Variants in PHF24 observed in about 807,000 individuals in gnomAD.
PHF24 encodes PHD finger protein 24, also known as Galpha inhibitory interacting protein.
In PHF24, 25 loss-of-function variants were observed where a neutral mutation model predicts 42.6. That is an observed-to-expected ratio of 0.59 (90% CI 0.43 to 0.82). PHF24 has a LOEUF of 0.82. Among genes scored for constraint, PHF24 ranks in the 40% least tolerant of loss-of-function variants. The pLI, the probability that PHF24 is intolerant of heterozygous loss-of-function variation, is 0.00. For synonymous variants in PHF24, 185 were observed against 204.8 expected, an observed-to-expected ratio of 0.90 and a Z score of 0.83; for missense variants, 470 against 538.1, an observed-to-expected ratio of 0.87 and a Z score of 1.25.
At chr9:34,917,625 C>T in the PHF24 span, 1 of 776,150 alleles carries the variant, frequency 1.3e-6, no homozygotes, top group South Asian at 1.3e-5. Flanking sequence ...TTTGGTTGGC[C>T]TTCCAGTGGC....
the PHF24 span, among the ~76,000 whole-genome samples, chr9:34,875,948 ACACTCTCTCTCTCT>A: frequency 0.011 from 866 of 79,904 alleles, 12 homozygotes; most frequent in Middle Eastern, 0.066. Flanking sequence ...ACACACACAC[ACACTCTCTCTCTCT>A]CTCTCTCTCT....
At chr9:34,819,104 T>C in the PHF24 span, among the ~76,000 whole-genome samples, 1 of 152,286 alleles carries the variant, frequency 6.6e-6, no homozygotes, top group African/African-American at 2.4e-5. Flanking sequence ...TAATATTCCT[T>C]TTCTCATTGT....
At chr9:34,904,461 T>C in the PHF24 span, among the ~76,000 whole-genome samples, 6 of 152,174 alleles carry the variant, frequency 3.9e-5, no homozygotes, top group African/African-American at 1.2e-4. Flanking sequence ...CGAATGCTTT[T>C]TCTGCATCTA....
the PHF24 span, among the ~76,000 whole-genome samples, chr9:34,909,799 T>G: frequency 6.6e-6 from 1 of 152,226 alleles, no homozygotes; most frequent in South Asian, 2.1e-4. Context: ...TTTTTTCTGT[T>G]TTTTGGTAGA....
chr9:34,834,860 G>C, the PHF24 span: 2 of 1,510,788 alleles, frequency 1.3e-6, no homozygotes, highest in Admixed American at 4.0e-5. Context: ...TGAAGTTTTA[G>C]GGAGCAGTTG....
chr9:34,673,040 A>G, the PHF24 span, among the ~76,000 whole-genome samples: 4 of 152,254 alleles, frequency 2.6e-5, no homozygotes, highest in Admixed American at 6.5e-5. Flanking sequence ...CAACCTGTCT[A>G]TGACAGGAAT....
chr9:34,886,477 C>T, the PHF24 span, among the ~76,000 whole-genome samples: 1 of 145,354 alleles, frequency 6.9e-6, no homozygotes, highest in East Asian at 2.0e-4. Context: ...ACTACAAGTC[C>T]GCATCTTAAT....
the PHF24 span, chr9:34,726,593 C>T: frequency 6.4e-7 from 1 of 1,551,794 alleles, no homozygotes; most frequent in East Asian, 2.4e-5. Flanking sequence ...GGTGTTTGGG[C>T]CCCGGAGCAC....
chr9:34,875,671 C>T, the PHF24 span, among the ~76,000 whole-genome samples: 1 of 151,956 alleles, frequency 6.6e-6, no homozygotes, highest in African/African-American at 2.4e-5. Flanking sequence ...AGCACTGGAG[C>T]CTTGACAATT....
the PHF24 span, among the ~76,000 whole-genome samples, chr9:34,947,240 G>A: frequency 1.3e-5 from 2 of 152,216 alleles, no homozygotes; most frequent in African/African-American, 2.4e-5. Context: ...GCTATGTGCT[G>A]CATAAATGAT....
chr9:34,754,989 G>A, the PHF24 span, among the ~76,000 whole-genome samples: 2 of 152,092 alleles, frequency 1.3e-5, no homozygotes, highest in Admixed American at 1.3e-4. Flanking sequence ...CTCATTTGTG[G>A]GAGCTAAAAA....
the PHF24 span, among the ~76,000 whole-genome samples, chr9:34,932,486 C>G: frequency 6.6e-6 from 1 of 152,168 alleles, no homozygotes; most frequent in Admixed American, 6.5e-5. Flanking sequence ...TATGATCTCA[C>G]TAGCCTCACC....
chr9:34,913,714 C>T, the PHF24 span, among the ~76,000 whole-genome samples: 6 of 152,142 alleles, frequency 3.9e-5, no homozygotes, highest in Admixed American at 3.9e-4. Flanking sequence ...CCTCCAATCT[C>T]CTGCCTCTAT....
At chr9:34,849,641 A>G in the PHF24 span, among the ~76,000 whole-genome samples, 4 of 152,180 alleles carry the variant, frequency 2.6e-5, no homozygotes, top group African/African-American at 9.7e-5. Context: ...TGATCCTGTC[A>G]TTATGATATT....
the PHF24 span, among the ~76,000 whole-genome samples, chr9:34,679,669 C>G: frequency 6.6e-6 from 1 of 152,160 alleles, no homozygotes; most frequent in Non-Finnish European, 1.5e-5. Flanking sequence ...GAGCCGAGAT[C>G]GCGGCTCTGC....
the PHF24 span, among the ~76,000 whole-genome samples, chr9:34,700,576 A>G: frequency 6.6e-6 from 1 of 152,204 alleles, no homozygotes; most frequent in Admixed American, 6.5e-5. Context: ...ACCCTGGTAT[A>G]GACTTAAGTT....
chr9:34,743,000 T>C, the PHF24 span, among the ~76,000 whole-genome samples: 3 of 152,346 alleles, frequency 2.0e-5, no homozygotes, highest in South Asian at 6.2e-4. Flanking sequence ...TTGGAACAGA[T>C]GCCTGCCAGT....
chr9:34,743,894 G>A, the PHF24 span, among the ~76,000 whole-genome samples: 1 of 152,174 alleles, frequency 6.6e-6, no homozygotes, highest in South Asian at 2.1e-4. Flanking sequence ...GATCTGGTGA[G>A]TCGTCCCGTG....
At chr9:34,759,512 T>C in the PHF24 span, among the ~76,000 whole-genome samples, 2 of 152,074 alleles carry the variant, frequency 1.3e-5, no homozygotes, top group East Asian at 3.9e-4. Context: ...GGGTGTAGGG[T>C]GTTCAGCCAT....
Sources: gnomAD v4.1 joint callset for allele counts (sites outside exome capture counted in the v4.1 genomes callset) on GRCh38, gnomAD v4.1.1 for gene constraint, MANE v1.5 for transcripts, NCBI Gene and HGNC (gene_info 2026-07-23, HGNC 2026-07-21) for gene names.